The following PPP3CC variants were observed in gnomAD, a reference collection of about 807,000 sequenced individuals.
PPP3CC encodes the protein protein phosphatase 3 catalytic subunit gamma.
In PPP3CC, 35 loss-of-function variants were observed where a neutral mutation model predicts 60.3. That is an observed-to-expected ratio of 0.58 (90% confidence interval 0.44 to 0.77). The LOEUF is 0.77. PPP3CC is among the 30% of genes least tolerant of loss of function. The pLI is 0.00. For missense variants in PPP3CC, 570 were observed against 628.9 expected (o/e 0.91, Z 1.00); for synonymous variants, 206 against 224.3 (o/e 0.92, Z 0.73).
chr8:22,449,173 G>A (rs1164726316), intron 1 of PPP3CC, among the ~76,000 whole-genome samples: 1 of 152,170 alleles, frequency 6.6e-6, no homozygotes, highest in Non-Finnish European at 1.5e-5. Flanking sequence ...GCTTGGCTGG[G>A]CGCAGTGGCT....
At chr8:22,511,729 A>G (rs1422729947) in intron 5 of PPP3CC, among the ~76,000 whole-genome samples, 1 of 152,238 alleles carries the variant, frequency 6.6e-6, no homozygotes, top group Non-Finnish European at 1.5e-5. Context: ...ATAATTTTTA[A>G]TGAGCTCTAT....
chr8:22,519,747 C>T (rs561587156), intron 6 of PPP3CC, among the ~76,000 whole-genome samples: 15 of 152,276 alleles, frequency 9.9e-5, no homozygotes, highest in South Asian at 6.2e-4. Context: ...CTCTGCCTCC[C>T]GGGTTCAAGT....
At chr8:22,527,548 T>C (rs17733133) in intron 9 of PPP3CC, 31 bp downstream of exon 9, 175,853 of 1,607,848 alleles carry the variant, frequency 0.11, 10,906 homozygotes, top group South Asian at 0.17. Context: ...GTCTCATCAG[T>C]TGTTTGGTGA....
chr8:22,524,730 C>T (rs1027454667), intron 8 of PPP3CC, among the ~76,000 whole-genome samples: 1 of 152,150 alleles, frequency 6.6e-6, no homozygotes, highest in Admixed American at 6.5e-5. Context: ...ATGGATTTAT[C>T]AGTGTGCCAA....
At chr8:22,518,528 C>T (rs901162267) in intron 6 of PPP3CC, among the ~76,000 whole-genome samples, 2 of 152,064 alleles carry the variant, frequency 1.3e-5, no homozygotes, top group African/African-American at 4.8e-5. Flanking sequence ...TCTGTGTACA[C>T]TTGGGAAGAA....
At chr8:22,511,490 G>C (rs1839086447) in intron 5 of PPP3CC, among the ~76,000 whole-genome samples, 1 of 152,038 alleles carries the variant, frequency 6.6e-6, no homozygotes. Context: ...GGCTGGTCTT[G>C]AACTCCTGAC....
chr8:22,443,320 G>A (rs997993615), intron 1 of PPP3CC, among the ~76,000 whole-genome samples: 1 of 152,068 alleles, frequency 6.6e-6, no homozygotes, highest in Non-Finnish European at 1.5e-5. Flanking sequence ...TCAGGAGTTC[G>A]AAACCAGCCT....
intron 8 of PPP3CC, among the ~76,000 whole-genome samples, chr8:22,523,425 G>C (rs1405506522): frequency 6.6e-6 from 1 of 151,922 alleles, no homozygotes; most frequent in Non-Finnish European, 1.5e-5. Flanking sequence ...TCGAGGCAGT[G>C]GTCCTACTAA....
chr8:22,448,349 G>A (rs1207238847), intron 1 of PPP3CC, among the ~76,000 whole-genome samples: 2 of 150,978 alleles, frequency 1.3e-5, no homozygotes, highest in South Asian at 2.1e-4. Context: ...TGAATATGGT[G>A]TATATATTAG....
intron 3 of PPP3CC, among the ~76,000 whole-genome samples, chr8:22,486,151 A>G (rs1460523509): frequency 6.6e-6 from 1 of 152,146 alleles, no homozygotes; most frequent in Non-Finnish European, 1.5e-5. Context: ...ACCTTAATTT[A>G]TTTCACCATT....
chr8:22,478,171 A>G (rs927320621), intron 3 of PPP3CC, among the ~76,000 whole-genome samples: 1 of 150,154 alleles, frequency 6.7e-6, no homozygotes, highest in East Asian at 2.0e-4. Flanking sequence ...TTTTTTTTTG[A>G]GATGGAGTCT....
At chr8:22,450,708 G>C (rs1257597002) in intron 1 of PPP3CC, among the ~76,000 whole-genome samples, 1 of 152,164 alleles carries the variant, frequency 6.6e-6, no homozygotes, top group Non-Finnish European at 1.5e-5. Flanking sequence ...ACTCTTTGTT[G>C]ATGGGCAGTA....
intron 3 of PPP3CC, among the ~76,000 whole-genome samples, chr8:22,496,520 CA>C (rs1450750211): frequency 1.1e-4 from 5 of 45,748 alleles, no homozygotes; most frequent in African/African-American, 3.7e-4. Flanking sequence ...TTTTTTGAGA[CA>C]GAGTCTCGCT....
At chr8:22,464,882 G>A (rs1258204283) in intron 1 of PPP3CC, among the ~76,000 whole-genome samples, 1 of 152,042 alleles carries the variant, frequency 6.6e-6, no homozygotes, top group Non-Finnish European at 1.5e-5. Context: ...AGAGACCGAG[G>A]CAGAATCTGC....
chr8:22,452,665 C>G (rs887693113), intron 1 of PPP3CC, among the ~76,000 whole-genome samples: 9 of 152,156 alleles, frequency 5.9e-5, no homozygotes, highest in Non-Finnish European at 8.8e-5. Flanking sequence ...AGCTCAAATT[C>G]TTTTAGTGAT....
intron 10 of PPP3CC, among the ~76,000 whole-genome samples, chr8:22,530,201 C>G (rs143371431): frequency 6.6e-6 from 1 of 152,276 alleles, no homozygotes; most frequent in Non-Finnish European, 1.5e-5. Flanking sequence ...TACAAGGAAC[C>G]AGTTCTTCTT....
intron 5 of PPP3CC, among the ~76,000 whole-genome samples, chr8:22,512,244 A>G (rs952234712): frequency 3.4e-4 from 52 of 152,328 alleles, no homozygotes; most frequent in Admixed American, 1.6e-3. Flanking sequence ...GGGTGTACCT[A>G]TATGTACTGG....
rs571490912 is a variant in PPP3CC, at chr8:22,475,164, T to G, written c.247+13T>G. On this transcript the variant is annotated intron_variant, in intron 2 of 13. Coordinates refer to ENST00000240139, the MANE Select transcript of PPP3CC (RefSeq NM_005605.5). ...GCTCCAATCACAGGTATAAAAAGTC[T>G]TTGCATGATACTTTTTTACAGTATA... 1.9e-6 allele frequency: 3 copies of G among 1,598,732 alleles called. No homozygotes were observed. Among genetic ancestry groups the G allele is most frequent in the Non-Finnish European group, 2.6e-6 (3 of 1,168,938 alleles).
intron 10 of PPP3CC, 63 bp from the exon 11 acceptor site, chr8:22,532,162 A>C (rs1839732965): frequency 8.1e-7 from 1 of 1,234,670 alleles, no homozygotes; most frequent in Admixed American, 2.1e-5. Flanking sequence ...CTTCATCCTG[A>C]ATTTTTTAAA....
Sources: allele counts gnomAD v4.1 joint callset (sites outside exome capture counted in the v4.1 genomes callset), GRCh38; gene constraint gnomAD v4.1.1; transcripts MANE v1.5; gene names NCBI Gene and HGNC (gene_info 2026-07-23, HGNC 2026-07-21).